Variants in TTBK1 observed in about 807,000 individuals in gnomAD.
TTBK1 encodes the protein tau-tubulin kinase 1.
Under a neutral mutation model 108.5 loss-of-function variants are expected in TTBK1, and 34 were observed. That is an observed-to-expected ratio of 0.31 (90% CI 0.24 to 0.42). TTBK1 has a LOEUF of 0.42. Among genes scored for constraint, TTBK1 ranks in the 10% least tolerant of loss-of-function variants. The probability of loss-of-function intolerance (pLI) is 1.00; values close to 1 mark genes in which losing one functional copy is unlikely to be tolerated. For missense variants in TTBK1, 1,539 were observed against 1,826.0 expected, an observed-to-expected ratio of 0.84 and a Z score of 2.86; for synonymous variants, 809 against 795.1, an observed-to-expected ratio of 1.02 and a Z score of -0.29.
In TTBK1 at chr6:43,255,933, G is replaced by A. The variant is rs115138863; in HGVS notation, c.861+77G>A. 9.2e-4 allele frequency: 1,455 copies of A among 1,577,700 alleles called. 17 individuals are homozygous for A. The African/African-American group carries it at 0.018, about 20-fold the overall frequency. On this transcript the variant is annotated intron_variant, in intron 9 of 14. Transcript: ENST00000259750. ...CTGTCCCCCAGCAGACCTCGCTCCT[G>A]CTGAGGCTCCACAGCCCTGCCTTGT...
chr6:43,243,744 G>C lies in TTBK1; in HGVS notation c.-55+36G>C, dbSNP rs1177828066. 6.6e-6 allele frequency: 1 copy of C among 151,340 alleles called. No individual in the cohort carries two copies. The highest frequency in any genetic ancestry group is 2.4e-5 in the African/African-American group (1 of 41,370). The allele number at this position is 151,340 out of a possible 1,614,324, so 9.4% of individuals were successfully genotyped here. Reference sequence around the variant, plus strand: ...GCGGGGCGGGCCGGGGTCGGGGCGGGGGCTCCTTCGTGGGCTCAGGGGGCT... The same window carrying C: ...GCGGGGCGGGCCGGGGTCGGGGCGGCGGCTCCTTCGTGGGCTCAGGGGGCT... On this transcript the variant is annotated intron_variant, in intron 1 of 14. Coordinates refer to ENST00000259750, the MANE Select transcript of TTBK1 (RefSeq NM_032538.3). The surrounding 1 kb of genome is among the most constrained non-coding windows in gnomAD (Gnocchi z 5.5).
chr6:43,283,041 A>AGAG lies in TTBK1; in HGVS notation c.2312_2314dup (p.Glu771dup). 4 of 1,591,054 alleles carry AGAG rather than the reference A, an allele frequency of 2.5e-6. No individual in the cohort carries two copies. Among genetic ancestry groups the AGAG allele is most frequent in the Non-Finnish European group, 2.6e-6 (3 of 1,168,462 alleles). ...AGGAGGAAGAAGAGGAGGAGGAGGA[A>AGAG]GAGGAGGAGGAGGCTGCAGCGGCAG... On this transcript the variant is annotated inframe_insertion, in exon 14 of 15. Transcript: ENST00000259750. This position sits in a 1 kb window ranked among gnomAD's most constrained non-coding sequence, Gnocchi z 8.1.
intron 2 of TTBK1, chr6:43,248,067 C>A (rs1206842472): frequency 6.6e-6 from 1 of 152,220 alleles, no homozygotes; most frequent in African/African-American, 2.4e-5. Flanking sequence ...AGCTTAGTTT[C>A]TGGCGGATTG....
chr6:43,257,710 G>A lies in TTBK1; in HGVS notation c.862-102G>A. 7.8e-7 allele frequency: 1 copy of A among 1,285,310 alleles called. No individual in the cohort carries two copies. Among genetic ancestry groups the A allele is most frequent in the East Asian group, 2.4e-5 (1 of 41,214 alleles). 79.6% of individuals were successfully genotyped at this position (1,285,310 alleles called of 1,614,324 possible). A position where few individuals can be genotyped will look rare whatever the true frequency, so the allele number is the denominator to read the frequency against. On this transcript the variant is annotated intron_variant, in intron 9 of 14. Transcript: ENST00000259750. The surrounding 1 kb of genome is among the most constrained non-coding windows in gnomAD (Gnocchi z 4.5). ...CCCCCTCCAGGCCCATTCCTGTCCT[G>A]GAAAGTCCCTGTCTTCCTCCTATGA...
intron 1 of TTBK1, 95 bp from the exon 2 acceptor site, chr6:43,246,512 A>G: frequency 1.7e-6 from 1 of 576,134 alleles, no homozygotes; most frequent in Non-Finnish European, 3.1e-6. Context: ...GGGGCCAGGA[A>G]GAATGCAGAG....
At position 43,257,110 on chromosome 6, in the gene TTBK1, C is replaced by T. The variant is rs1777403249; in HGVS notation, c.862-702C>T. Among the ~76,000 whole-genome samples the T allele has an allele frequency of 6.6e-6, 1 of 152,268 alleles. No individual in the cohort carries two copies. Among genetic ancestry groups the T allele is most frequent in the Non-Finnish European group, 1.5e-5 (1 of 68,052 alleles). On this transcript the variant is annotated intron_variant, in intron 9 of 14. Transcript: ENST00000259750. The surrounding 1 kb of genome is among the most constrained non-coding windows in gnomAD (Gnocchi z 4.5). Reference sequence around the variant, plus strand: ...AGCCGGTCCTCTCAGCAGAGAGAAACTGCCCTGTGCTCTGGAGACAGCCAA... The same window carrying T: ...AGCCGGTCCTCTCAGCAGAGAGAAATTGCCCTGTGCTCTGGAGACAGCCAA...
intron 1 of TTBK1, among the ~76,000 whole-genome samples, chr6:43,245,510 A>G (rs1467293556): frequency 6.6e-6 from 1 of 152,150 alleles, no homozygotes; most frequent in East Asian, 1.9e-4. Flanking sequence ...AGATACATGT[A>G]GAAAAGCACA....
chr6:43,283,188 C>G lies in TTBK1; in HGVS notation c.2448C>G (p.Ser816=). 1 of 1,553,510 alleles carries G rather than the reference C, an allele frequency of 6.4e-7. No homozygotes were observed. The highest frequency in any genetic ancestry group is 8.7e-7 in the Non-Finnish European group (1 of 1,148,938). ...TGCTGGCAGACGATCAGAAGGAGTCCAGGGGCCGGGCCTCCATGGCCGATG... is the reference window on the plus strand; with the variant it reads ...TGCTGGCAGACGATCAGAAGGAGTCGAGGGGCCGGGCCTCCATGGCCGATG... The part of the protein sequence containing the change: ...STLLADDQKE[S]RGRASMADGD... The change falls in exon 14 of 15, where the codon TCC becomes TCG. Residue 816 remains serine (S), a synonymous_variant. Transcript: ENST00000259750. This position sits in a 1 kb window ranked among gnomAD's most constrained non-coding sequence, Gnocchi z 8.1.
intron 13 of TTBK1, chr6:43,272,612 A>G (rs765834296): frequency 5.5e-5 from 54 of 985,388 alleles, no homozygotes; most frequent in Non-Finnish European, 6.5e-5. Flanking sequence ...TAAGCCATAA[A>G]GCTCTGAGCT....
chr6:43,280,907 C>A (rs951136319), intron 13 of TTBK1, among the ~76,000 whole-genome samples: 14 of 152,120 alleles, frequency 9.2e-5, no homozygotes, highest in African/African-American at 3.4e-4. Flanking sequence ...GAGGAAACTG[C>A]CTGGGCTAAG....
intron 2 of TTBK1, among the ~76,000 whole-genome samples, chr6:43,251,798 C>T (rs1167907148): frequency 1.3e-5 from 2 of 152,202 alleles, no homozygotes; most frequent in Non-Finnish European, 2.9e-5. Flanking sequence ...GAGGCTCATC[C>T]TGGTTGTGGG....
At chr6:43,274,175 C>A (rs1325932563) in intron 13 of TTBK1, among the ~76,000 whole-genome samples, 1 of 152,190 alleles carries the variant, frequency 6.6e-6, no homozygotes, top group Non-Finnish European at 1.5e-5. Context: ...CTCAAGGCAG[C>A]TTGGGTCACA....
Position 43,285,137 on chromosome 6 carries a change from C to A in TTBK1, c.3727C>A (p.Arg1243Ser). 1.4e-6 allele frequency: 2 copies of A among 1,446,220 alleles called. No individual in the cohort carries two copies. The highest frequency in any genetic ancestry group is 1.8e-6 in the Non-Finnish European group (2 of 1,107,240). The allele number at this position is 1,446,220 out of a possible 1,614,324, so 89.6% of individuals were successfully genotyped here. A position where few individuals can be genotyped will look rare whatever the true frequency, so the allele number is the denominator to read the frequency against. The change falls in exon 15 of 15, where the codon CGC becomes AGC. Residue 1243 changes from arginine to serine, a missense_variant. Coordinates refer to ENST00000259750, the MANE Select transcript of TTBK1 (RefSeq NM_032538.3). The surrounding 1 kb of genome is among the most constrained non-coding windows in gnomAD (Gnocchi z 4.7). ...PRLPASTSAA[R>S]NASASPRSQS... ...CCTCCCCGCGTCCACATCCGCCGCG[C>A]GCAATGCCAGCGCGTCCCCCCGGAG... is the stretch of plus-strand genomic sequence containing the variant.
rs373133592 is a variant in TTBK1, at chr6:43,282,735, C to A, written c.1995C>A (p.Ser665=). 6 of 1,601,824 alleles carry A rather than the reference C, an allele frequency of 3.7e-6. No individual in the cohort carries two copies. The African/African-American group carries it at 8.1e-5, about 22-fold the overall frequency. The change falls in exon 14 of 15, where the codon TCC becomes TCA. Residue 665 remains serine, a synonymous_variant. Transcript: ENST00000259750. This position sits in a 1 kb window ranked among gnomAD's most constrained non-coding sequence, Gnocchi z 5.4. Reference sequence around the variant, plus strand: ...GTGTATGCCCCTTGCAGGTGTTCTCCGTGGCGCCCCCATTTGAGGTGAATG... The same window carrying A: ...GTGTATGCCCCTTGCAGGTGTTCTCAGTGGCGCCCCCATTTGAGGTGAATG... ...DPTGPQRQVF[S]VAPPFEVNGL... is the part of the protein sequence containing the mutation.
chr6:43,251,310 T>C (rs1777232984), intron 2 of TTBK1, among the ~76,000 whole-genome samples: 1 of 152,230 alleles, frequency 6.6e-6, no homozygotes, highest in African/African-American at 2.4e-5. Flanking sequence ...GGCCAGAGTC[T>C]GCTGGTTGAT....
chr6:43,283,008 G>C lies in TTBK1; in HGVS notation c.2268G>C (p.Glu756Asp). The C allele has an allele frequency of 1.3e-6, 2 of 1,596,488 alleles. No homozygotes were observed. The highest frequency in any genetic ancestry group is 2.2e-5 in the South Asian group (2 of 89,296). The part of the protein sequence containing the change: ...EEDEEEEEEE[E>D]EEEEEEEEEE... Reference sequence around the variant, plus strand: ...ATGAGGAAGAAGAAGAGGAGGAAGAGGAAGAGGAGGAGGAAGAAGAGGAGG... The same window carrying C: ...ATGAGGAAGAAGAAGAGGAGGAAGACGAAGAGGAGGAGGAAGAAGAGGAGG... The change falls in exon 14 of 15, where the codon GAG becomes GAC. Residue 756 changes from glutamate to aspartate, a missense_variant. By Grantham distance (45) the Glu-to-Asp change is conservative. Coordinates refer to ENST00000259750, the MANE Select transcript of TTBK1 (RefSeq NM_032538.3). This position sits in a 1 kb window ranked among gnomAD's most constrained non-coding sequence, Gnocchi z 8.1.
In TTBK1 at chr6:43,285,628, T is replaced by G; in HGVS notation, c.*252T>G. 1 of 322,106 alleles carries G rather than the reference T, an allele frequency of 3.1e-6. No individual in the cohort carries two copies. The allele number at this position is 322,106 out of a possible 1,614,324, so 20.0% of individuals were successfully genotyped here. A position where few individuals can be genotyped will look rare whatever the true frequency, so the allele number is the denominator to read the frequency against. On this transcript the variant is annotated 3_prime_UTR_variant, in exon 15 of 15. Transcript: ENST00000259750. This position sits in a 1 kb window ranked among gnomAD's most constrained non-coding sequence, Gnocchi z 4.7. ...CCCTTCCTCGCCCTGTGTCCTCTCA[T>G]CCTCCCGCCGCCCGTCAGGCCGGCC...
chr6:43,285,393 C>T lies in TTBK1; in HGVS notation c.*17C>T, dbSNP rs1778347445. The T allele has an allele frequency of 7.9e-7, 1 of 1,269,564 alleles. No homozygotes were observed. Among genetic ancestry groups the T allele is most frequent in the Non-Finnish European group, 9.9e-7 (1 of 1,012,286 alleles). 78.6% of individuals were successfully genotyped at this position (1,269,564 alleles called of 1,614,324 possible). A position where few individuals can be genotyped will look rare whatever the true frequency, so the allele number is the denominator to read the frequency against. ...GCCAGATAATGACGCCCGCTGCTCT[C>T]CGCGGTCCCCCACCCTCACCCCGGC... On this transcript the variant is annotated 3_prime_UTR_variant, in exon 15 of 15. Coordinates refer to ENST00000259750, the MANE Select transcript of TTBK1 (RefSeq NM_032538.3). The surrounding 1 kb of genome is among the most constrained non-coding windows in gnomAD (Gnocchi z 4.7).
Position 43,269,323 on chromosome 6 carries a change from A to C in TTBK1, c.1986+5973A>C, listed in dbSNP as rs541195460. Among the ~76,000 whole-genome samples the C allele has an allele frequency of 1.3e-5, 2 of 152,346 alleles. No homozygotes were observed. Among genetic ancestry groups the C allele is most frequent in the South Asian group, 2.1e-4 (1 of 4,830 alleles). ...CCTGAGAGAAAGGGTTCCCCAGTCC[A>C]GAACAACCCTGAGCTAGGTAGGACT... On this transcript the variant is annotated intron_variant, in intron 13 of 14. Transcript: ENST00000259750. This position sits in a 1 kb window ranked among gnomAD's most constrained non-coding sequence, Gnocchi z 4.8.
Sources: allele counts gnomAD v4.1 joint callset (sites outside exome capture counted in the v4.1 genomes callset), GRCh38; gene constraint gnomAD v4.1.1; non-coding constraint Gnocchi (gnomAD v3.1); transcripts MANE v1.5; gene names NCBI Gene and HGNC (gene_info 2026-07-23, HGNC 2026-07-21).